Variants in SLC12A6 observed in about 807,000 individuals in gnomAD.
SLC12A6 encodes the protein K-Cl cotransporter 3.
Under a neutral mutation model 135.3 loss-of-function variants are expected in SLC12A6, and 66 were observed. That is an observed-to-expected ratio of 0.49 (90% CI 0.40 to 0.60). The LOEUF is 0.60. Ranked by LOEUF, SLC12A6 falls within the 20% of genes least tolerant of loss-of-function variation. The pLI is 0.00. For synonymous variants in SLC12A6, 513 were observed against 508.8 expected (o/e 1.01, Z -0.11); for missense variants, 1,058 against 1,452.3 (o/e 0.73, Z 4.41).
chr15:34,315,213 C>T (rs982122542), intron 2 of SLC12A6, among the ~76,000 whole-genome samples: 2 of 152,174 alleles, frequency 1.3e-5, no homozygotes, highest in African/African-American at 2.4e-5. Context: ...TATCAAACAA[C>T]GTTGCATGCT....
chr15:34,232,644 T>C lies in SLC12A6; in HGVS notation c.*1237A>G, dbSNP rs1363906796. 1 of 152,652 alleles carries C rather than the reference T, an allele frequency of 6.6e-6. No homozygotes were observed. Among genetic ancestry groups the C allele is most frequent in the Non-Finnish European group, 1.5e-5 (1 of 68,044 alleles). 9.5% of individuals were successfully genotyped at this position (152,652 alleles called of 1,614,324 possible). The stretch of plus-strand genomic sequence containing the variant: ...TGAAAGAAAAAGGGGGAAATGCTTA[T>C]ACTTGGCATTAAGTTGAATGCCTCA... On this transcript the variant is annotated 3_prime_UTR_variant, in exon 26 of 26. Transcript: ENST00000354181.
intron 2 of SLC12A6, among the ~76,000 whole-genome samples, chr15:34,285,713 T>TACACACACACACACACA (rs776596338): frequency 2.2e-5 from 1 of 45,164 alleles, no homozygotes; most frequent in African/African-American, 5.5e-5. Context: ...TGTGTGTGTG[T>TACACACACACACACACA]TTGTCATACA....
intron 3 of SLC12A6, among the ~76,000 whole-genome samples, chr15:34,262,372 G>A (rs972792445): frequency 1.3e-5 from 2 of 152,050 alleles, no homozygotes; most frequent in Non-Finnish European, 2.9e-5. Context: ...CCTCTCCACT[G>A]AGAATTGTTT....
intron 2 of SLC12A6, among the ~76,000 whole-genome samples, chr15:34,284,554 G>A (rs892859971): frequency 1.3e-5 from 2 of 152,138 alleles, no homozygotes; most frequent in Middle Eastern, 3.2e-3. Flanking sequence ...TTACAGGCAT[G>A]AGCCACTGCG....
At chr15:34,239,905 T>A (rs557123817) in intron 19 of SLC12A6, among the ~76,000 whole-genome samples, 18 of 152,342 alleles carry the variant, frequency 1.2e-4, no homozygotes, top group Admixed American at 1.0e-3. Context: ...TCTTCAGCAT[T>A]TCTAGTGTTT....
intron 2 of SLC12A6, among the ~76,000 whole-genome samples, chr15:34,328,715 C>A (rs1889638159): frequency 6.6e-6 from 1 of 152,044 alleles, no homozygotes; most frequent in Non-Finnish European, 1.5e-5. Context: ...CCCATCTCTA[C>A]CAAAAGCCAA....
intron 2 of SLC12A6, among the ~76,000 whole-genome samples, chr15:34,285,508 G>T (rs1438043513): frequency 6.3e-5 from 9 of 143,372 alleles, no homozygotes; most frequent in African/African-American, 1.0e-4. Context: ...GCTTATGATG[G>T]TTTTTTTTTT....
Position 34,313,543 on chromosome 15 carries a change from G to C in SLC12A6, c.271+22867C>G, listed in dbSNP as rs183231358. ...ATAAAAATGCAAGGTAAAGCAGCAA[G>C]TGCTTTTACAGAAGCTATAGCAAGT... On this transcript the variant is annotated intron_variant, in intron 2 of 25. Transcript: ENST00000354181. Among the ~76,000 whole-genome samples the C allele has an allele frequency of 8.8e-4, 134 of 152,356 alleles. 1 individual carries two copies. Among genetic ancestry groups the C allele is most frequent in the South Asian group, 3.5e-3 (17 of 4,834 alleles).
intron 2 of SLC12A6, among the ~76,000 whole-genome samples, chr15:34,317,369 T>C (rs906420722): frequency 1.3e-5 from 2 of 152,202 alleles, no homozygotes; most frequent in Non-Finnish European, 2.9e-5. Flanking sequence ...ATGTGTTACA[T>C]GCTATAAAGG....
chr15:34,240,869 C>T (rs377454648), intron 18 of SLC12A6, 40 bp from the exon 19 acceptor site: 211 of 1,553,612 alleles, frequency 1.4e-4, no homozygotes, highest in Non-Finnish European at 1.8e-4. Flanking sequence ...GAGGAGAAAA[C>T]ATTTTGGGTT....
chr15:34,298,308 C>T (rs1251903747), intron 2 of SLC12A6, among the ~76,000 whole-genome samples: 1 of 151,936 alleles, frequency 6.6e-6, no homozygotes, highest in Admixed American at 6.6e-5. Flanking sequence ...AACCCCGTTT[C>T]TACTAAAAAT....
At chr15:34,238,088 G>T in intron 21 of SLC12A6, 144 bp downstream of exon 21, 1 of 682,292 alleles carries the variant, frequency 1.5e-6, no homozygotes, top group Non-Finnish European at 2.6e-6. Flanking sequence ...TTTGAAAGTG[G>T]GATCATGGGA....
chr15:34,278,253 G>T (rs934609887), intron 2 of SLC12A6, among the ~76,000 whole-genome samples: 1 of 151,882 alleles, frequency 6.6e-6, no homozygotes, highest in Non-Finnish European at 1.5e-5. Context: ...ATAGAGAAAT[G>T]CCATCTCCAC....
intron 2 of SLC12A6, among the ~76,000 whole-genome samples, chr15:34,314,500 G>C (rs1595558235): frequency 6.6e-6 from 1 of 151,774 alleles, no homozygotes; most frequent in Non-Finnish European, 1.5e-5. Flanking sequence ...ATGCCTGCCA[G>C]CATAACATCA....
intron 2 of SLC12A6, among the ~76,000 whole-genome samples, chr15:34,323,647 G>A (rs1009933656): frequency 4.6e-5 from 7 of 152,310 alleles, no homozygotes; most frequent in South Asian, 2.1e-4. Flanking sequence ...GTTGGGGACT[G>A]CTGATTTAAA....
At chr15:34,321,719 T>C (rs1889105202) in intron 2 of SLC12A6, among the ~76,000 whole-genome samples, 1 of 152,218 alleles carries the variant, frequency 6.6e-6, no homozygotes, top group South Asian at 2.1e-4. Context: ...ATCTTAGGTA[T>C]ACATTCACAA....
chr15:34,238,420 AAGC>A lies in SLC12A6; in HGVS notation c.2633-22_2633-20del. On this transcript the variant is annotated intron_variant, in intron 20 of 25. Coordinates refer to ENST00000354181, the MANE Select transcript of SLC12A6 (RefSeq NM_001365088.1). ...ACTGTGCCTAGGGAGAAAAAAGAAT[AAGC>A]AGAGAAGAATCCTTAGGCTTGCCTT... 6.2e-7 allele frequency: 1 copy of A among 1,602,414 alleles called. No individual in the cohort carries two copies.
chr15:34,231,592 CTTT>C lies in SLC12A6; in HGVS notation c.*2286_*2288del, dbSNP rs770260783. 8.6e-5 allele frequency: 8 copies of C among 93,174 alleles called. No homozygotes were observed. The highest frequency in any genetic ancestry group is 9.4e-5 in the Non-Finnish European group (4 of 42,536). 5.8% of individuals were successfully genotyped at this position (93,174 alleles called of 1,614,324 possible). On this transcript the variant is annotated 3_prime_UTR_variant, in exon 26 of 26. Coordinates refer to ENST00000354181, the MANE Select transcript of SLC12A6 (RefSeq NM_001365088.1). ...AATTACTCAATTTCTTTCTTTCTTT[CTTT>C]TTTTTTTTTTTTGAGATGGAGTCTC... is the stretch of plus-strand genomic sequence containing the variant.
chr15:34,272,815 A>G (rs1338115236), intron 3 of SLC12A6, among the ~76,000 whole-genome samples: 1 of 152,164 alleles, frequency 6.6e-6, no homozygotes, highest in Non-Finnish European at 1.5e-5. Flanking sequence ...TTGACTGTCC[A>G]TTTCACTAGC....
Sources: allele counts gnomAD v4.1 joint callset (sites outside exome capture counted in the v4.1 genomes callset), GRCh38; gene constraint gnomAD v4.1.1; transcripts MANE v1.5; gene names NCBI Gene and HGNC (gene_info 2026-07-23, HGNC 2026-07-21).